HS6ST3: variants seen among roughly 807,000 people sequenced by gnomAD.
HS6ST3 encodes the protein heparan sulfate 6-O-sulfotransferase 3.
A neutral mutation model predicts 36.7 loss-of-function variants in HS6ST3; 12 were observed. The observed-to-expected ratio is 0.33, with a 90% CI of 0.21 to 0.53. The LOEUF is 0.53. HS6ST3 is among the 20% of genes least tolerant of loss of function. The probability of loss-of-function intolerance (pLI) is 0.95; values close to 1 mark genes in which losing one functional copy is unlikely to be tolerated. For missense variants in HS6ST3, 584 were observed against 640.9 expected (o/e 0.91, Z 0.96); for synonymous variants, 240 against 257.5 (o/e 0.93, Z 0.65).
intron 1 of HS6ST3, among the ~76,000 whole-genome samples, chr13:96,303,467 A>T (rs1253754738): frequency 2.0e-5 from 3 of 152,186 alleles, no homozygotes; most frequent in Admixed American, 2.0e-4. Flanking sequence ...TCCAACTGAA[A>T]GTGAAATGTT....
intron 1 of HS6ST3, among the ~76,000 whole-genome samples, chr13:96,362,218 G>A (rs2055242081): frequency 6.6e-6 from 1 of 152,152 alleles, no homozygotes. Flanking sequence ...TGATAATGCA[G>A]TATGATTTTG....
intron 1 of HS6ST3, among the ~76,000 whole-genome samples, chr13:96,655,195 C>G (rs150120224): frequency 6.6e-6 from 1 of 152,220 alleles, no homozygotes; most frequent in African/African-American, 2.4e-5. Flanking sequence ...TGCTTTTCAG[C>G]TCAACCGAAC....
intron 1 of HS6ST3, among the ~76,000 whole-genome samples, chr13:96,291,402 A>G (rs1048541140): frequency 6.6e-6 from 1 of 152,184 alleles, no homozygotes; most frequent in Non-Finnish European, 1.5e-5. Flanking sequence ...ATTTCTCAAC[A>G]TGCCTGGTGC....
intron 1 of HS6ST3, among the ~76,000 whole-genome samples, chr13:96,638,515 G>T (rs1162334106): frequency 6.6e-6 from 1 of 151,914 alleles, no homozygotes; most frequent in Non-Finnish European, 1.5e-5. Flanking sequence ...CCATGGGAGG[G>T]ACTAGGTGGA....
At chr13:96,315,595 T>C (rs952229488) in intron 1 of HS6ST3, among the ~76,000 whole-genome samples, 1 of 152,132 alleles carries the variant, frequency 6.6e-6, no homozygotes, top group Admixed American at 6.5e-5. Context: ...CTTTATATAA[T>C]ACAGAATGCA....
chr13:96,101,634 TCAA>T (rs1357599662), intron 1 of HS6ST3, among the ~76,000 whole-genome samples: 11 of 152,076 alleles, frequency 7.2e-5, no homozygotes, highest in Non-Finnish European at 1.5e-4. Context: ...AAAACACTGT[TCAA>T]CATATATATT....
chr13:96,530,168 G>T (rs1182336525), intron 1 of HS6ST3, among the ~76,000 whole-genome samples: 2 of 49,384 alleles, frequency 4.0e-5, no homozygotes, highest in Non-Finnish European at 1.4e-4. Context: ...AAGAAAATAT[G>T]ATGGACTTGT....
At chr13:96,253,344 C>G (rs986801765) in intron 1 of HS6ST3, among the ~76,000 whole-genome samples, 2 of 152,192 alleles carry the variant, frequency 1.3e-5, no homozygotes, top group Non-Finnish European at 2.9e-5. Flanking sequence ...TCCTGCAATG[C>G]TGGGAAAGTG....
At chr13:96,409,985 A>T (rs541798587) in intron 1 of HS6ST3, among the ~76,000 whole-genome samples, 1 of 152,360 alleles carries the variant, frequency 6.6e-6, no homozygotes, top group Non-Finnish European at 1.5e-5. Flanking sequence ...TATAAATGCC[A>T]GGTGGATTAC....
chr13:96,419,766 T>C (rs1371557848), intron 1 of HS6ST3, among the ~76,000 whole-genome samples: 1 of 152,138 alleles, frequency 6.6e-6, no homozygotes, highest in Non-Finnish European at 1.5e-5. Context: ...TGTGGATGCA[T>C]CACTCCAGTC....
intron 1 of HS6ST3, among the ~76,000 whole-genome samples, chr13:96,157,212 T>C (rs1163595917): frequency 6.6e-6 from 1 of 152,242 alleles, no homozygotes; most frequent in African/African-American, 2.4e-5. Flanking sequence ...TGGAAAAGCC[T>C]TTGGCTCTGG....
At chr13:96,542,188 G>GT (rs771734009) in intron 1 of HS6ST3, among the ~76,000 whole-genome samples, 4 of 152,138 alleles carry the variant, frequency 2.6e-5, no homozygotes, top group Non-Finnish European at 5.9e-5. Flanking sequence ...CACATGACCA[G>GT]TTACTTCCTT....
intron 1 of HS6ST3, among the ~76,000 whole-genome samples, chr13:96,662,589 A>C (rs2056650272): frequency 6.6e-6 from 1 of 150,390 alleles, no homozygotes; most frequent in African/African-American, 2.5e-5. Context: ...ACTTCCTTAA[A>C]ATCTATATTT....
chr13:96,298,660 A>G (rs2054866942), intron 1 of HS6ST3, among the ~76,000 whole-genome samples: 1 of 152,200 alleles, frequency 6.6e-6, no homozygotes, highest in African/African-American at 2.4e-5. Flanking sequence ...CAGCAATTGC[A>G]AAATTTTTTT....
At chr13:96,347,174 A>G (rs1401703966) in intron 1 of HS6ST3, among the ~76,000 whole-genome samples, 1 of 152,164 alleles carries the variant, frequency 6.6e-6, no homozygotes, top group African/African-American at 2.4e-5. Context: ...ATCCACAGAA[A>G]CTATGAGATA....
intron 1 of HS6ST3, among the ~76,000 whole-genome samples, chr13:96,098,655 C>G (rs1051845381): frequency 6.7e-5 from 6 of 89,668 alleles, no homozygotes; most frequent in African/African-American, 2.1e-4. Flanking sequence ...AACCCTATCT[C>G]TAAAAATAAA....
Position 96,348,237 on chromosome 13 carries a change from C to A in HS6ST3, c.707+256668C>A, listed in dbSNP as rs113375995. 7.5e-3 allele frequency among the ~76,000 whole-genome samples: 1,135 copies of A among 152,276 alleles called. 11 individuals are homozygous for A. The highest frequency in any genetic ancestry group is 0.025 in the African/African-American group (1,047 of 41,546). ...TGTCAACTGAAAGAAACTAATACAA[C>A]TATAGATTCTGCAAGAGTGAAGGCC... On this transcript the variant is annotated intron_variant, in intron 1 of 1. Transcript: ENST00000376705.
At chr13:96,574,361 A>G (rs2056313194) in intron 1 of HS6ST3, 1 of 422,124 alleles carries the variant, frequency 2.4e-6, no homozygotes, top group South Asian at 2.1e-5. Flanking sequence ...GGATCCAATT[A>G]CCAGTGAATT....
intron 1 of HS6ST3, among the ~76,000 whole-genome samples, chr13:96,638,213 A>G (rs936670061): frequency 6.6e-6 from 1 of 152,068 alleles, no homozygotes; most frequent in Non-Finnish European, 1.5e-5. Context: ...ATAATTCCAC[A>G]CTGTAAAAAG....
Sources: allele counts gnomAD v4.1 joint callset (sites outside exome capture counted in the v4.1 genomes callset), GRCh38; gene constraint gnomAD v4.1.1; transcripts MANE v1.5; gene names NCBI Gene and HGNC (gene_info 2026-07-23, HGNC 2026-07-21).